The following AKAP8L variants were observed in gnomAD, a reference collection of about 807,000 sequenced individuals.
AKAP8L encodes the protein A-kinase anchor protein 8-like.
In AKAP8L, 34 loss-of-function variants were observed where a neutral mutation model predicts 77.5. That is an observed-to-expected ratio of 0.44 (90% CI 0.33 to 0.58). The LOEUF (loss-of-function observed/expected upper bound fraction) is 0.58. AKAP8L is among the 20% of genes least tolerant of loss of function. The probability of loss-of-function intolerance (pLI) is 0.02; values close to 1 mark genes in which losing one functional copy is unlikely to be tolerated. For synonymous variants in AKAP8L, 342 were observed against 340.7 expected (o/e 1.00, Z -0.04); for missense variants, 806 against 887.6 (o/e 0.91, Z 1.17).
rs1967824956 is a variant in AKAP8L, at chr19:15,398,574, C to T, written c.1158-719G>A. On this transcript the variant is annotated intron_variant, in intron 9 of 13. Transcript: ENST00000397410. The surrounding 1 kb of genome is among the most constrained non-coding windows in gnomAD (Gnocchi z 9.2). The stretch of plus-strand genomic sequence containing the variant: ...TGGGGCCTGGGCCGGAGCAGGCCGC[C>T]GTGGCAAGGGGCGGAGGAGGCCAGC... The T allele has an allele frequency of 6.1e-6, 6 of 986,994 alleles. No homozygotes were observed. The highest frequency in any genetic ancestry group is 3.5e-5 in the African/African-American group (2 of 57,258). The allele number at this position is 986,994 out of a possible 1,614,324, so 61.1% of individuals were successfully genotyped here.
chr19:15,384,790 G>C (rs1967494299), intron 12 of AKAP8L, among the ~76,000 whole-genome samples: 1 of 152,096 alleles, frequency 6.6e-6, no homozygotes, highest in African/African-American at 2.4e-5. Flanking sequence ...CATTTTGCTG[G>C]GATCATTCAG....
intron 12 of AKAP8L, among the ~76,000 whole-genome samples, chr19:15,394,952 G>T (rs1045161149): frequency 1.9e-5 from 2 of 106,582 alleles, no homozygotes; most frequent in South Asian, 3.1e-4. Context: ...AGCTGCTATG[G>T]CTTGTTCTTT....
intron 12 of AKAP8L, among the ~76,000 whole-genome samples, chr19:15,390,612 C>T (rs1967641090): frequency 6.6e-6 from 1 of 152,034 alleles, no homozygotes; most frequent in African/African-American, 2.4e-5. Context: ...CCAAACCAGA[C>T]AAATATATCA....
chr19:15,397,474 CAGGCTG>C lies in AKAP8L; in HGVS notation c.1405+40_1405+45del. The stretch of plus-strand genomic sequence containing the variant: ...GACCCTGCACCGAAAATCAGGAGTG[CAGGCTG>C]AGGCCTTGCCTGGTGGGAGTGGGCT... On this transcript the variant is annotated intron_variant, in intron 11 of 13. Coordinates refer to ENST00000397410, the MANE Select transcript of AKAP8L (RefSeq NM_014371.4). The surrounding 1 kb of genome is among the most constrained non-coding windows in gnomAD (Gnocchi z 4.7). 6.4e-7 allele frequency: 1 copy of C among 1,562,782 alleles called. No individual in the cohort carries two copies. Among genetic ancestry groups the C allele is most frequent in the Admixed American group, 1.7e-5 (1 of 58,752 alleles).
rs776310058 is a variant in AKAP8L at position 15,418,953 on chromosome 19, C to G, written c.-30G>C. On this transcript the variant is annotated 5_prime_UTR_variant, in exon 1 of 14. Transcript: ENST00000397410. ...GCGGGCAACACAACATCCGACGACG[C>G]CGGCTTCTGCTGCTCTGAACATCCG... The G allele has an allele frequency of 6.2e-7, 1 of 1,604,332 alleles. No homozygotes were observed. Among genetic ancestry groups the G allele is most frequent in the East Asian group, 2.2e-5 (1 of 44,826 alleles).
chr19:15,418,949 G>C lies in AKAP8L; in HGVS notation c.-26C>G, dbSNP rs748463543. The C allele has an allele frequency of 3.4e-5, 54 of 1,604,548 alleles. No individual in the cohort carries two copies. The highest frequency in any genetic ancestry group is 4.5e-5 in the Non-Finnish European group (53 of 1,179,492). ...GGTGGCGGGCAACACAACATCCGAC[G>C]ACGCCGGCTTCTGCTGCTCTGAACA... On this transcript the variant is annotated 5_prime_UTR_variant, in exon 1 of 14. Coordinates refer to ENST00000397410, the MANE Select transcript of AKAP8L (RefSeq NM_014371.4).
chr19:15,408,563 C>CAA (rs1281747013), intron 2 of AKAP8L, among the ~76,000 whole-genome samples: 10 of 67,094 alleles, frequency 1.5e-4, no homozygotes, highest in African/African-American at 4.7e-4. Flanking sequence ...AACTCCATCT[C>CAA]AAAAAAAAAA....
In AKAP8L at chr19:15,401,583, C is replaced by T; in HGVS notation, c.383G>A (p.Cys128Tyr). 6.2e-7 allele frequency: 1 copy of T among 1,603,932 alleles called. No homozygotes were observed. The highest frequency in any genetic ancestry group is 8.5e-7 in the Non-Finnish European group (1 of 1,176,120). The change falls in exon 5 of 14, where the codon TGC (cysteine) becomes TAC (tyrosine). Residue 128 changes from cysteine (C) to tyrosine (Y), a missense_variant. This residue lies in a region of AKAP8L where 580 missense variants were observed against 694.1 expected (regional missense o/e 0.84). Transcript: ENST00000397410. The surrounding 1 kb of genome is among the most constrained non-coding windows in gnomAD (Gnocchi z 6.2). ...CTCACTCAGGACGGCCCTCGAGTCG[C>T]AGGACTCATAAGAGTCATACCTGCA... Reference protein sequence around the residue: ...GGERYDSYESCDSRAVLSERD... With the variant: ...GGERYDSYESYDSRAVLSERD...
chr19:15,408,871 C>CA (rs559627849), intron 2 of AKAP8L, among the ~76,000 whole-genome samples: 161 of 67,904 alleles, frequency 2.4e-3, no homozygotes, highest in Admixed American at 2.6e-3. Flanking sequence ...GACTCTGTCT[C>CA]AAAAAAAAAA....
intron 1 of AKAP8L, among the ~76,000 whole-genome samples, chr19:15,412,746 G>A (rs1365492739): frequency 6.6e-6 from 1 of 152,192 alleles, no homozygotes; most frequent in Non-Finnish European, 1.5e-5. Flanking sequence ...GTTTCACCAT[G>A]TTAGCCAGGA....
chr19:15,399,372 G>T lies in AKAP8L; in HGVS notation c.1087C>A (p.Arg363Ser), dbSNP rs750798229. 1.2e-6 allele frequency: 2 copies of T among 1,613,878 alleles called. No homozygotes were observed. Among genetic ancestry groups the T allele is most frequent in the Non-Finnish European group, 8.5e-7 (1 of 1,179,856 alleles). The change falls in exon 9 of 14, where the codon CGC becomes AGC. Residue 363 changes from arginine to serine, a missense_variant. Around this residue, in one of 2 missense-constraint regions of AKAP8L, gnomAD observed 580 missense variants for 694.1 expected, o/e 0.84. Transcript: ENST00000397410. The surrounding 1 kb of genome is among the most constrained non-coding windows in gnomAD (Gnocchi z 6.1). Reference sequence around the variant, plus strand: ...CTCTTCTTGCCTGCCTGCAACTTGCGCTTGGTCTGGCCATTTTCATCCTGG... The same window carrying T: ...CTCTTCTTGCCTGCCTGCAACTTGCTCTTGGTCTGGCCATTTTCATCCTGG... The part of the protein sequence containing the change: ...TTQDENGQTK[R>S]KLQAGKKSQD...
intron 1 of AKAP8L, among the ~76,000 whole-genome samples, chr19:15,411,727 A>G (rs2145148521): frequency 6.6e-6 from 1 of 152,246 alleles, no homozygotes; most frequent in Middle Eastern, 3.4e-3. Flanking sequence ...AAAATTTCCT[A>G]TCTTCTCAAC....
Position 15,397,379 on chromosome 19 carries a change from T to G in AKAP8L, c.1406-99A>C. ...ACACCAGCTCCTCCTCAACTCGCCC[T>G]GCCACTTCCACCTGGGCCTGAGCCA... On this transcript the variant is annotated intron_variant, in intron 11 of 13. Coordinates refer to ENST00000397410, the MANE Select transcript of AKAP8L (RefSeq NM_014371.4). This position sits in a 1 kb window ranked among gnomAD's most constrained non-coding sequence, Gnocchi z 4.7. 6.6e-7 allele frequency: 1 copy of G among 1,522,512 alleles called. No individual in the cohort carries two copies. The highest frequency in any genetic ancestry group is 9.0e-7 in the Non-Finnish European group (1 of 1,115,164). The allele number at this position is 1,522,512 out of a possible 1,614,324, so 94.3% of individuals were successfully genotyped here.
Position 15,401,098 on chromosome 19 carries a change from T to C in AKAP8L, c.816+52A>G, listed in dbSNP as rs1227137757. On this transcript the variant is annotated intron_variant, in intron 5 of 13. Coordinates refer to ENST00000397410, the MANE Select transcript of AKAP8L (RefSeq NM_014371.4). This position sits in a 1 kb window ranked among gnomAD's most constrained non-coding sequence, Gnocchi z 6.2. ...GGGTGCATGGCACCCGGCCCTTAGC[T>C]CCGCCCCAGTGGGAACTAAGCTTCC... 1.2e-6 allele frequency: 2 copies of C among 1,607,350 alleles called. No individual in the cohort carries two copies. Among genetic ancestry groups the C allele is most frequent in the Middle Eastern group, 1.6e-4 (1 of 6,062 alleles).
intron 12 of AKAP8L, among the ~76,000 whole-genome samples, chr19:15,389,987 T>A (rs759479521): frequency 6.6e-6 from 1 of 151,518 alleles, no homozygotes; most frequent in Non-Finnish European, 1.5e-5. Flanking sequence ...CTGTCTCTAT[T>A]TATTTTTTTT....
At chr19:15,408,293 A>G (rs1351867723) in intron 2 of AKAP8L, among the ~76,000 whole-genome samples, 3 of 152,158 alleles carry the variant, frequency 2.0e-5, no homozygotes, top group Non-Finnish European at 4.4e-5. Flanking sequence ...GGCCTGGCAC[A>G]GTGGCTCACA....
intron 2 of AKAP8L, 170 bp from the exon 3 acceptor site, chr19:15,404,212 G>T: frequency 1.6e-6 from 1 of 618,988 alleles, no homozygotes; most frequent in Non-Finnish European, 2.8e-6. Context: ...GCCACTTGCT[G>T]CCCTGGTGCC....
intron 12 of AKAP8L, among the ~76,000 whole-genome samples, chr19:15,388,689 G>A (rs1967592019): frequency 6.6e-6 from 1 of 152,106 alleles, no homozygotes; most frequent in Non-Finnish European, 1.5e-5. Flanking sequence ...GCCGAGGCGG[G>A]CAGATCATGA....
At chr19:15,408,712 T>A (rs1968051043) in intron 2 of AKAP8L, among the ~76,000 whole-genome samples, 1 of 151,288 alleles carries the variant, frequency 6.6e-6, no homozygotes. Flanking sequence ...TGAAACCCCG[T>A]CTCTACTGAA....
Sources: allele counts gnomAD v4.1 joint callset (sites outside exome capture counted in the v4.1 genomes callset), GRCh38; gene constraint gnomAD v4.1.1; regional missense constraint gnomAD v4.1.1; non-coding constraint Gnocchi (gnomAD v3.1); transcripts MANE v1.5; gene names NCBI Gene and HGNC (gene_info 2026-07-23, HGNC 2026-07-21).